NF1: variants seen among roughly 807,000 people sequenced by gnomAD.
NF1 encodes the protein neurofibromin.
A neutral mutation model predicts 325.7 loss-of-function variants in NF1; 122 were observed. The ratio of observed to expected loss-of-function variants is 0.37; its 90% CI spans 0.32 to 0.44. The LOEUF (loss-of-function observed/expected upper bound fraction) is 0.44, where lower values mean the gene tolerates loss of function less well. Ranked by LOEUF, NF1 falls within the 20% of genes least tolerant of loss-of-function variation. NF1 has a pLI of 1.00. For missense variants in NF1, 2,140 were observed against 3,415.4 expected, an observed-to-expected ratio of 0.63 and a Z score of 9.31; for synonymous variants, 1,091 against 1,186.0, an observed-to-expected ratio of 0.92 and a Z score of 1.65.
intron 36 of NF1, among the ~76,000 whole-genome samples, chr17:31,271,180 G>A (rs1260180783): frequency 6.6e-6 from 1 of 152,196 alleles, no homozygotes; most frequent in African/African-American, 2.4e-5. Flanking sequence ...CAACAGTTAT[G>A]AGATATATTA....
intron 36 of NF1, chr17:31,295,903 A>G (rs1239841112): frequency 1.2e-6 from 2 of 1,614,024 alleles, no homozygotes; most frequent in Non-Finnish European, 1.7e-6. Context: ...TTCTTAGTGT[A>G]TTTTTAATGA....
At chr17:31,191,679 A>G (rs999901575) in intron 8 of NF1, among the ~76,000 whole-genome samples, 4 of 152,188 alleles carry the variant, frequency 2.6e-5, no homozygotes, top group South Asian at 2.1e-4. Context: ...GAAATGTTCT[A>G]TGTCATGATC....
At chr17:31,119,221 G>C (rs528841859) in intron 1 of NF1, among the ~76,000 whole-genome samples, 28 of 152,196 alleles carry the variant, frequency 1.8e-4, no homozygotes, top group Middle Eastern at 6.8e-3. Flanking sequence ...GATTACAGGT[G>C]TGAGCCACCG....
chr17:31,345,562 G>T, intron 48 of NF1: 2 of 1,574,448 alleles, frequency 1.3e-6, no homozygotes, highest in Non-Finnish European at 1.7e-6. Flanking sequence ...GGGCCGCCCG[G>T]CTCGGGCAAG....
chr17:31,100,213 G>A (rs897738258), intron 1 of NF1, among the ~76,000 whole-genome samples: 4 of 152,188 alleles, frequency 2.6e-5, no homozygotes, highest in African/African-American at 9.7e-5. Context: ...CATACATTGA[G>A]TGTTCATCTG....
intron 36 of NF1, among the ~76,000 whole-genome samples, chr17:31,310,054 A>G (rs2068827179): frequency 6.6e-6 from 1 of 152,136 alleles, no homozygotes; most frequent in African/African-American, 2.4e-5. Context: ...AGTGGAAAAA[A>G]CTGACTTTTT....
At chr17:31,303,121 A>G (rs760116841) in intron 36 of NF1, among the ~76,000 whole-genome samples, 7 of 152,242 alleles carry the variant, frequency 4.6e-5, no homozygotes, top group African/African-American at 1.4e-4. Flanking sequence ...AATAAATGCT[A>G]TGTTCTACTC....
chr17:31,144,953 G>A (rs966583165), intron 1 of NF1, among the ~76,000 whole-genome samples: 2 of 152,154 alleles, frequency 1.3e-5, no homozygotes, highest in African/African-American at 4.8e-5. Context: ...CCGTGACATC[G>A]TCAAATTCAA....
chr17:31,219,707 C>A (rs904685918), intron 14 of NF1, among the ~76,000 whole-genome samples: 1 of 147,062 alleles, frequency 6.8e-6, no homozygotes, highest in African/African-American at 2.5e-5. Flanking sequence ...TTTTTATCAC[C>A]CCAGAAAGAA....
At chr17:31,141,927 A>G (rs1916247617) in intron 1 of NF1, among the ~76,000 whole-genome samples, 1 of 152,134 alleles carries the variant, frequency 6.6e-6, no homozygotes, top group South Asian at 2.1e-4. Context: ...CCCCTCTAGC[A>G]TGGTTATTTT....
At chr17:31,365,077 AT>A (rs779717811) in intron 57 of NF1, among the ~76,000 whole-genome samples, 1 of 151,822 alleles carries the variant, frequency 6.6e-6, no homozygotes, top group Non-Finnish European at 1.5e-5. Context: ...AGGCAGGTGG[AT>A]TGCTTGAGAC....
chr17:31,344,798 T>C (rs2069927665), intron 48 of NF1, among the ~76,000 whole-genome samples: 1 of 152,206 alleles, frequency 6.6e-6, no homozygotes, highest in African/African-American at 2.4e-5. Context: ...CCAGGCTGGG[T>C]GCAGCGGCTC....
chr17:31,314,084 T>C (rs947129921), intron 36 of NF1: 1 of 397,898 alleles, frequency 2.5e-6, no homozygotes, highest in Non-Finnish European at 4.4e-6. Context: ...AGATTTAAAA[T>C]GTTCCTCTAG....
chr17:31,240,224 A>C (rs2067272020), intron 29 of NF1, among the ~76,000 whole-genome samples: 5 of 147,174 alleles, frequency 3.4e-5, no homozygotes, highest in South Asian at 2.2e-4. Flanking sequence ...CCCCTTCCCC[A>C]CCCCCCACTA....
chr17:31,205,301 C>T (rs1368036652), intron 11 of NF1, among the ~76,000 whole-genome samples: 1 of 152,062 alleles, frequency 6.6e-6, no homozygotes, highest in Admixed American at 6.6e-5. Flanking sequence ...CTCTTATCTA[C>T]AATTTGAATG....
At chr17:31,109,550 A>C (rs1372714614) in intron 1 of NF1, among the ~76,000 whole-genome samples, 1 of 151,836 alleles carries the variant, frequency 6.6e-6, no homozygotes, top group African/African-American at 2.4e-5. Flanking sequence ...TGCCCGGCTA[A>C]TTTTTGTATT....
At chr17:31,095,580 T>G (rs906325571) in intron 1 of NF1, 53 of 496,962 alleles carry the variant, frequency 1.1e-4, no homozygotes, top group East Asian at 1.2e-4. Flanking sequence ...TGGGCACCCT[T>G]TCCCTCCTAA....
chr17:31,288,942 G>T (rs1230144065), intron 36 of NF1, among the ~76,000 whole-genome samples: 1 of 152,098 alleles, frequency 6.6e-6, no homozygotes, highest in Admixed American at 6.5e-5. Context: ...TGAAATAAAT[G>T]AAAGAAACTT....
At chr17:31,360,895 C>T (rs1227022684) in intron 57 of NF1, 192 bp downstream of exon 57, 2 of 616,492 alleles carry the variant, frequency 3.2e-6, no homozygotes, top group African/African-American at 3.7e-5. Context: ...ACAAGTTGTA[C>T]ATAAGACAGT....
Sources: allele counts gnomAD v4.1 joint callset (sites outside exome capture counted in the v4.1 genomes callset), GRCh38; gene constraint gnomAD v4.1.1; transcripts MANE v1.5; gene names NCBI Gene and HGNC (gene_info 2026-07-23, HGNC 2026-07-21).